The following MAD1L1 variants were observed in gnomAD, a reference collection of about 807,000 sequenced individuals.
The protein encoded by MAD1L1 is mitotic spindle assembly checkpoint protein MAD1.
A neutral mutation model predicts 96.9 loss-of-function variants in MAD1L1; 95 were observed. The observed-to-expected ratio is 0.98, with a 90% CI of 0.83 to 1.16. The LOEUF (loss-of-function observed/expected upper bound fraction) is 1.16, where lower values mean the gene tolerates loss of function less well. Among genes scored for constraint, MAD1L1 ranks in the 50% most tolerant of loss-of-function variants. The pLI is 0.00. For synonymous variants in MAD1L1, 473 were observed against 396.6 expected (o/e 1.19, Z -2.29); for missense variants, 1,007 against 954.4 (o/e 1.06, Z -0.73).
chr7:2,135,903 G>A (rs1788726561), intron 11 of MAD1L1, among the ~76,000 whole-genome samples: 1 of 152,190 alleles, frequency 6.6e-6, no homozygotes, highest in South Asian at 2.1e-4. Context: ...CAAGCAGCCA[G>A]GCATTTGGGA....
chr7:2,069,366 C>T (rs1668390952), intron 11 of MAD1L1, 28 bp from the exon 12 acceptor site: 2 of 1,553,734 alleles, frequency 1.3e-6, no homozygotes, highest in African/African-American at 1.4e-5. Flanking sequence ...GAGGGCAAAG[C>T]AATGAAGCCT....
chr7:2,093,912 C>A (rs917530027), intron 11 of MAD1L1, among the ~76,000 whole-genome samples: 1 of 152,172 alleles, frequency 6.6e-6, no homozygotes, highest in South Asian at 2.1e-4. Context: ...GGTCGGCAGT[C>A]GGAACCCCCA....
At chr7:2,027,945 T>G (rs1210428504) in intron 12 of MAD1L1, among the ~76,000 whole-genome samples, 2 of 152,160 alleles carry the variant, frequency 1.3e-5, no homozygotes, top group Admixed American at 1.3e-4. Context: ...CATAGAAAAG[T>G]CAATATAATC....
chr7:2,186,933 A>G (rs1009231456), intron 10 of MAD1L1, among the ~76,000 whole-genome samples: 8 of 151,880 alleles, frequency 5.3e-5, no homozygotes, highest in Admixed American at 1.3e-4. Context: ...AGCTGGGATT[A>G]CAGGCATGCG....
chr7:1,894,535 CCA>C (rs749313692), intron 18 of MAD1L1, among the ~76,000 whole-genome samples: 19 of 152,190 alleles, frequency 1.2e-4, no homozygotes, highest in African/African-American at 2.7e-4. Context: ...CCGAAGTGAG[CCA>C]CAGTTACTTC....
At chr7:2,141,285 C>T (rs896201918) in intron 11 of MAD1L1, among the ~76,000 whole-genome samples, 1 of 152,270 alleles carries the variant, frequency 6.6e-6, no homozygotes, top group Non-Finnish European at 1.5e-5. Context: ...CCGCGTGCTG[C>T]GGGGCACAGC....
At chr7:2,216,791 T>C (rs1217694368) in intron 7 of MAD1L1, among the ~76,000 whole-genome samples, 3 of 152,118 alleles carry the variant, frequency 2.0e-5, no homozygotes, top group Non-Finnish European at 4.4e-5. Context: ...ATTAAAGTCA[T>C]TGAGGTCACA....
intron 18 of MAD1L1, among the ~76,000 whole-genome samples, chr7:1,863,523 C>G (rs73046358): frequency 0.031 from 4,674 of 152,324 alleles, 151 homozygotes; most frequent in South Asian, 0.077. Flanking sequence ...GCTGAAGGCC[C>G]GGGAGCCAGT....
At chr7:2,026,306 A>G (rs908831000) in intron 12 of MAD1L1, among the ~76,000 whole-genome samples, 2 of 152,244 alleles carry the variant, frequency 1.3e-5, no homozygotes, top group African/African-American at 4.8e-5. Context: ...AACAGCATCC[A>G]AAGACATACT....
chr7:1,904,206 CGAGCACGCAGTGGCCTATTGAAG>C (rs1787467874), intron 17 of MAD1L1, among the ~76,000 whole-genome samples: 2 of 144,934 alleles, frequency 1.4e-5, no homozygotes, highest in African/African-American at 2.7e-5. Flanking sequence ...TTCCAGGCAG[CGAGCACGCAGTGGCCTATTGAAG>C]AAGCTCTTGC....
At chr7:1,882,847 G>C (rs2128665026) in intron 18 of MAD1L1, among the ~76,000 whole-genome samples, 2 of 152,356 alleles carry the variant, frequency 1.3e-5, no homozygotes, top group East Asian at 3.9e-4. Context: ...AGAAGGCACT[G>C]GCAGTTTTGC....
chr7:2,156,983 A>G (rs1789881059), intron 10 of MAD1L1, among the ~76,000 whole-genome samples: 1 of 152,170 alleles, frequency 6.6e-6, no homozygotes, highest in Non-Finnish European at 1.5e-5. Context: ...CAGAGAAAAC[A>G]CTGCCTGCGG....
chr7:1,882,180 C>G (rs1038042307), intron 18 of MAD1L1, among the ~76,000 whole-genome samples: 1 of 152,332 alleles, frequency 6.6e-6, no homozygotes, highest in South Asian at 2.1e-4. Flanking sequence ...TGCAAGTACC[C>G]CACCCTGGGC....
At chr7:2,076,199 C>G (rs531921352) in intron 11 of MAD1L1, among the ~76,000 whole-genome samples, 2 of 152,370 alleles carry the variant, frequency 1.3e-5, no homozygotes, top group Admixed American at 1.3e-4. Flanking sequence ...AAAACCAGCA[C>G]GTTTTGGGCA....
chr7:1,861,030 C>T (rs1012920720), intron 18 of MAD1L1, among the ~76,000 whole-genome samples: 3 of 152,228 alleles, frequency 2.0e-5, no homozygotes, highest in Non-Finnish European at 2.9e-5. Context: ...CCCCTCCCCT[C>T]GGAAGCCGTC....
intron 18 of MAD1L1, among the ~76,000 whole-genome samples, chr7:1,887,274 CATGT>C (rs1390233305): frequency 2.0e-5 from 3 of 151,542 alleles, no homozygotes; most frequent in African/African-American, 7.3e-5. Context: ...TGTGTGCATG[CATGT>C]GTGTATGTGG....
At chr7:1,963,836 G>A (rs538726454) in intron 15 of MAD1L1, among the ~76,000 whole-genome samples, 1 of 152,326 alleles carries the variant, frequency 6.6e-6, no homozygotes, top group East Asian at 1.9e-4. Context: ...GGCAGGGAGC[G>A]CCGGCAGGGG....
chr7:1,884,530 T>C (rs1200310413), intron 18 of MAD1L1, among the ~76,000 whole-genome samples: 1 of 152,168 alleles, frequency 6.6e-6, no homozygotes, highest in African/African-American at 2.4e-5. Context: ...TGACCTTCCC[T>C]CAGCCCAAAC....
chr7:1,831,335 A>G (rs1013360295), intron 18 of MAD1L1, among the ~76,000 whole-genome samples: 1 of 152,200 alleles, frequency 6.6e-6, no homozygotes. Flanking sequence ...TGCCCATAAG[A>G]GAGCAAACTT....
Sources: allele counts gnomAD v4.1 joint callset (sites outside exome capture counted in the v4.1 genomes callset), GRCh38; gene constraint gnomAD v4.1.1; transcripts MANE v1.5; gene names NCBI Gene and HGNC (gene_info 2026-07-23, HGNC 2026-07-21).